Variants in TSHR observed in about 807,000 individuals in gnomAD.
TSHR encodes the protein thyroid stimulating hormone receptor.
A neutral mutation model predicts 64.1 loss-of-function variants in TSHR; 51 were observed. The observed-to-expected ratio is 0.80, with a 90% CI of 0.64 to 1.01. The LOEUF (loss-of-function observed/expected upper bound fraction) is 1.01, where lower values mean the gene tolerates loss of function less well. TSHR is among the 50% of genes least tolerant of loss of function. The pLI is 0.00. For synonymous variants in TSHR, 361 were observed against 361.9 expected, an observed-to-expected ratio of 1.00 and a Z score of 0.03; for missense variants, 877 against 942.8, an observed-to-expected ratio of 0.93 and a Z score of 0.91.
At chr14:81,018,218 G>T (rs745621930) in intron 1 of TSHR, among the ~76,000 whole-genome samples, 4 of 152,070 alleles carry the variant, frequency 2.6e-5, no homozygotes, top group Non-Finnish European at 5.9e-5. Context: ...CATGAAAGCC[G>T]CCCAATAAAT....
At chr14:81,099,777 T>C (rs1889454596) in intron 7 of TSHR, among the ~76,000 whole-genome samples, 1 of 152,212 alleles carries the variant, frequency 6.6e-6, no homozygotes. Flanking sequence ...TTACGTATAT[T>C]GACTATTTTC....
Position 81,062,224 on chromosome 14 carries a change from G to T in TSHR, c.242+5G>T. On this transcript the variant is annotated splice_donor_5th_base_variant and intron_variant, in intron 2 of 9. Transcript: ENST00000298171. ...TCTGCCCAATATTTCCAGAATGTAA[G>T]TTTTTTTAATATAAAGAAAAGTTTG... 6.2e-7 allele frequency: 1 copy of T among 1,606,592 alleles called. No individual in the cohort carries two copies. The highest frequency in any genetic ancestry group is 8.5e-7 in the Non-Finnish European group (1 of 1,174,934).
At chr14:81,109,044 C>T (rs1165178307) in intron 8 of TSHR, 2 of 1,137,368 alleles carry the variant, frequency 1.8e-6, no homozygotes, top group South Asian at 4.0e-5. Flanking sequence ...GTATCATTGC[C>T]ACCTTCCTCA....
chr14:81,074,401 A>T (rs76653880), intron 3 of TSHR, among the ~76,000 whole-genome samples: 11,179 of 152,168 alleles, frequency 0.073, 1,367 homozygotes, highest in African/African-American at 0.25. Context: ...AGCGACTATA[A>T]TCAAAGCATT....
intron 1 of TSHR, chr14:81,001,086 G>C (rs1367491581): frequency 6.0e-6 from 1 of 166,310 alleles, no homozygotes; most frequent in Admixed American, 6.3e-5. Context: ...TTCTTTGTGG[G>C]AGTTGGGAGT....
chr14:81,038,114 A>C (rs1161510660), intron 1 of TSHR, among the ~76,000 whole-genome samples: 1 of 152,090 alleles, frequency 6.6e-6, no homozygotes, highest in Non-Finnish European at 1.5e-5. Flanking sequence ...ATTTTTAAAA[A>C]TCAAAAGCAT....
chr14:81,101,386 A>G (rs57311025), intron 7 of TSHR, among the ~76,000 whole-genome samples: 17,300 of 152,138 alleles, frequency 0.11, 2,716 homozygotes, highest in African/African-American at 0.36. Flanking sequence ...ACAACTTGAA[A>G]TACAAACAAT....
intron 1 of TSHR, among the ~76,000 whole-genome samples, chr14:80,977,521 G>A (rs899553727): frequency 2.6e-5 from 4 of 152,202 alleles, no homozygotes; most frequent in African/African-American, 9.7e-5. Context: ...AGCACCCCAA[G>A]AGATGTTTTT....
At position 81,067,483 on chromosome 14, in the gene TSHR, T is replaced by TATATATATATATATATATA. The variant is rs10528933; in HGVS notation, c.243-771_243-770insATATATATATATATATATA. Among the ~76,000 whole-genome samples, 216 of 134,868 alleles carry TATATATATATATATATATA rather than the reference T, an allele frequency of 1.6e-3. 8 individuals are homozygous for TATATATATATATATATATA. The highest frequency in any genetic ancestry group is 5.9e-3 in the African/African-American group (205 of 34,604). The allele number at this position is 134,868 out of a possible 152,430, so 88.5% of individuals were successfully genotyped here. On this transcript the variant is annotated intron_variant, in intron 2 of 9. Transcript: ENST00000298171. ...TAATTAGTGAAAGGAGTTTATAGTT[T>TATATATATATATATATATA]TATATATATATATATATATATAGTG...
chr14:80,998,109 A>G (rs1196679375), intron 1 of TSHR, among the ~76,000 whole-genome samples: 1 of 152,238 alleles, frequency 6.6e-6, no homozygotes, highest in Non-Finnish European at 1.5e-5. Context: ...TTTAAAAGGA[A>G]GAAATAGAAT....
At chr14:81,089,514 G>T (rs909722742) in intron 4 of TSHR, among the ~76,000 whole-genome samples, 1 of 152,122 alleles carries the variant, frequency 6.6e-6, no homozygotes, top group Admixed American at 6.5e-5. Context: ...CATTGTCCTT[G>T]CCTGTAATCT....
intron 1 of TSHR, among the ~76,000 whole-genome samples, chr14:80,975,011 G>A (rs1887791124): frequency 6.6e-6 from 1 of 152,138 alleles, no homozygotes. Context: ...TCTTAGCAAG[G>A]CACATAATCA....
chr14:81,116,312 C>T (rs2140052321), intron 8 of TSHR, among the ~76,000 whole-genome samples: 1 of 126,896 alleles, frequency 7.9e-6, no homozygotes, highest in South Asian at 3.3e-4. Flanking sequence ...CACACATAGG[C>T]TCAAAATAAA....
chr14:81,013,124 T>C (rs1339344532), intron 1 of TSHR: 1 of 152,144 alleles, frequency 6.6e-6, no homozygotes, highest in Non-Finnish European at 1.5e-5. Context: ...TTGTATAAGG[T>C]GTAAGGAAGG....
chr14:80,983,651 G>A, intron 1 of TSHR: 1 of 819,700 alleles, frequency 1.2e-6, no homozygotes, highest in East Asian at 2.5e-5. Flanking sequence ...ATGAGCCAGA[G>A]ATAGAACACT....
intron 1 of TSHR, among the ~76,000 whole-genome samples, chr14:81,058,377 C>A (rs182754817): frequency 6.6e-6 from 1 of 152,330 alleles, no homozygotes; most frequent in East Asian, 1.9e-4. Context: ...CAGCTTATAT[C>A]TTTTCTCTCA....
At chr14:81,045,491 G>A (rs10135871) in intron 1 of TSHR, among the ~76,000 whole-genome samples, 9,196 of 152,070 alleles carry the variant, frequency 0.06, 929 homozygotes, top group African/African-American at 0.21. Context: ...CTATCAACCC[G>A]TCAGCTAGGT....
At chr14:81,004,723 TC>T (rs141971689) in intron 1 of TSHR, among the ~76,000 whole-genome samples, 72 of 151,966 alleles carry the variant, frequency 4.7e-4, no homozygotes, top group African/African-American at 1.7e-3. Context: ...GCCAGCTCAC[TC>T]CACAAAGTCT....
At chr14:81,138,341 C>T (rs2140099761) in intron 8 of TSHR, among the ~76,000 whole-genome samples, 1 of 152,012 alleles carries the variant, frequency 6.6e-6, no homozygotes, top group East Asian at 1.9e-4. Context: ...CAGGCACGTG[C>T]CACCATACCC....
Sources: gnomAD v4.1 joint callset for allele counts (sites outside exome capture counted in the v4.1 genomes callset) on GRCh38, gnomAD v4.1.1 for gene constraint, MANE v1.5 for transcripts, NCBI Gene and HGNC (gene_info 2026-07-23, HGNC 2026-07-21) for gene names.